The following TGS1 variants were observed in gnomAD, a reference collection of about 807,000 sequenced individuals.
The protein encoded by TGS1 is trimethylguanosine synthase.
Under a neutral mutation model 92.2 loss-of-function variants are expected in TGS1, and 69 were observed. The observed-to-expected ratio is 0.75, with a 90% CI of 0.62 to 0.91. TGS1 has a LOEUF of 0.91. Among genes scored for constraint, TGS1 ranks in the 40% least tolerant of loss-of-function variants. The pLI, the probability that TGS1 is intolerant of heterozygous loss-of-function variation, is 0.00. For synonymous variants in TGS1, 345 were observed against 338.1 expected (o/e 1.02, Z -0.22); for missense variants, 1,062 against 1,001.2 (o/e 1.06, Z -0.82).
At position 55,824,613 on chromosome 8, in the gene TGS1, G is replaced by A. The variant is rs1180061826; in HGVS notation, c.2472G>A (p.Val824=). Residue 824 remains valine, a synonymous_variant, in exon 13 of 13, where the codon GTG becomes GTA. Transcript: ENST00000260129. ...CCTTAGCTGGGCCTGGAGGGCAAGT[G>A]GAAATAGAACAGAACTTCCTTAACA... is the stretch of plus-strand genomic sequence containing the variant. ...VASLAGPGGQ[V]EIEQNFLNNK... 1.2e-6 allele frequency: 2 copies of A among 1,614,196 alleles called. No homozygotes were observed. The highest frequency in any genetic ancestry group is 1.7e-6 in the Non-Finnish European group (2 of 1,180,040).
At chr8:55,818,613 T>C (rs1803547960) in intron 12 of TGS1, among the ~76,000 whole-genome samples, 1 of 152,224 alleles carries the variant, frequency 6.6e-6, no homozygotes, top group Non-Finnish European at 1.5e-5. Flanking sequence ...TCTTAAACCA[T>C]ATATATTGTC....
intron 4 of TGS1, among the ~76,000 whole-genome samples, chr8:55,789,917 A>G (rs1585764920): frequency 6.6e-6 from 1 of 152,198 alleles, no homozygotes; most frequent in East Asian, 1.9e-4. Flanking sequence ...AGTTCACTAC[A>G]TGTGGAAAAA....
intron 12 of TGS1, among the ~76,000 whole-genome samples, chr8:55,814,674 A>AAAATAT (rs1254531524): frequency 8.4e-4 from 103 of 123,328 alleles, no homozygotes; most frequent in African/African-American, 3.0e-3. Flanking sequence ...AAAAAAAAAA[A>AAAATAT]ATATATATAT....
At chr8:55,778,870 G>C (rs1183257907) in intron 1 of TGS1, among the ~76,000 whole-genome samples, 2 of 152,208 alleles carry the variant, frequency 1.3e-5, no homozygotes, top group Non-Finnish European at 2.9e-5. Context: ...AGCCGCCCGA[G>C]TGTCAGGTGC....
At chr8:55,782,383 T>C (rs1179258833) in intron 1 of TGS1, among the ~76,000 whole-genome samples, 1 of 152,094 alleles carries the variant, frequency 6.6e-6, no homozygotes, top group Non-Finnish European at 1.5e-5. Context: ...TTTCATCATG[T>C]TGGCCAGGCT....
At chr8:55,820,856 T>C (rs1563472680) in intron 12 of TGS1, among the ~76,000 whole-genome samples, 1 of 152,244 alleles carries the variant, frequency 6.6e-6, no homozygotes, top group Non-Finnish European at 1.5e-5. Context: ...CTGTCCTTCC[T>C]ACCCTCTCTT....
chr8:55,790,752 C>T (rs1458797013), intron 5 of TGS1, among the ~76,000 whole-genome samples: 7 of 152,178 alleles, frequency 4.6e-5, no homozygotes, highest in Admixed American at 2.6e-4. Flanking sequence ...CTTCTGGCCT[C>T]AAGCGATCCA....
intron 9 of TGS1, among the ~76,000 whole-genome samples, 187 bp downstream of exon 9, chr8:55,802,793 A>G (rs1563462391): frequency 6.6e-6 from 1 of 152,118 alleles, no homozygotes; most frequent in African/African-American, 2.4e-5. Flanking sequence ...TCTGATCAGT[A>G]CTTAACACAC....
At chr8:55,805,208 G>A (rs1812332805) in intron 10 of TGS1, among the ~76,000 whole-genome samples, 172 bp downstream of exon 10, 1 of 151,914 alleles carries the variant, frequency 6.6e-6, no homozygotes, top group Non-Finnish European at 1.5e-5. Context: ...ATTGCATACT[G>A]GTGTAAATGC....
chr8:55,779,464 C>G (rs1811495399), intron 1 of TGS1, among the ~76,000 whole-genome samples: 1 of 152,184 alleles, frequency 6.6e-6, no homozygotes, highest in Non-Finnish European at 1.5e-5. Flanking sequence ...CTGGGCCCAT[C>G]CTCCAGAAGG....
intron 12 of TGS1, among the ~76,000 whole-genome samples, chr8:55,818,289 G>A (rs553248054): frequency 1.3e-4 from 20 of 152,062 alleles, no homozygotes; most frequent in East Asian, 1.2e-3. Context: ...CTCCCACCTC[G>A]GTCTCCCGAG....
intron 1 of TGS1, among the ~76,000 whole-genome samples, chr8:55,778,305 C>G (rs1811457676): frequency 1.3e-5 from 2 of 152,096 alleles, no homozygotes; most frequent in African/African-American, 2.4e-5. Flanking sequence ...AAATGGCAGC[C>G]TTAGAATTCT....
chr8:55,781,836 G>T (rs1479260863), intron 1 of TGS1, among the ~76,000 whole-genome samples: 1 of 152,140 alleles, frequency 6.6e-6, no homozygotes, highest in Non-Finnish European at 1.5e-5. Flanking sequence ...CTTGCAATTG[G>T]CCTTCTTGTG....
rs377000614 is a variant in TGS1 at position 55,811,013 on chromosome 8, T to A, written c.2276T>A (p.Val759Asp). The A allele has an allele frequency of 1.9e-5, 31 of 1,614,064 alleles. No individual in the cohort carries two copies. Among genetic ancestry groups the A allele is most frequent in the Non-Finnish European group, 2.6e-5 (31 of 1,180,020 alleles). ...CTGGCTTCTTTTTTAAAGGCTGATG[T>A]TGTGTTCCTCAGCCCACCTTGGGGA... ...LLLASFLKAD[V>D]VFLSPPWGGP... Residue 759 changes from valine (V) to aspartate (D), a missense_variant, in exon 11 of 13, where the codon GTT (valine) becomes GAT (aspartate). Transcript: ENST00000260129.
intron 12 of TGS1, among the ~76,000 whole-genome samples, chr8:55,817,713 G>A (rs1803522786): frequency 6.6e-6 from 1 of 152,130 alleles, no homozygotes; most frequent in Admixed American, 6.6e-5. Flanking sequence ...CATTAGTCCA[G>A]GTTTAGGAAC....
chr8:55,790,941 T>G (rs2130148577), intron 5 of TGS1, among the ~76,000 whole-genome samples: 1 of 150,708 alleles, frequency 6.6e-6, no homozygotes, highest in South Asian at 2.1e-4. Flanking sequence ...GATCATAACT[T>G]TTAACTAATA....
At chr8:55,778,530 C>T (rs184833281) in intron 1 of TGS1, among the ~76,000 whole-genome samples, 1 of 152,290 alleles carries the variant, frequency 6.6e-6, no homozygotes, top group Admixed American at 6.5e-5. Flanking sequence ...TGATCATACT[C>T]ATGTGACAGT....
chr8:55,780,982 T>C (rs1811543976), intron 1 of TGS1, among the ~76,000 whole-genome samples: 1 of 152,200 alleles, frequency 6.6e-6, no homozygotes, highest in Non-Finnish European at 1.5e-5. Flanking sequence ...GGTTTATCTT[T>C]TACAGTTCAT....
intron 12 of TGS1, among the ~76,000 whole-genome samples, chr8:55,814,835 A>T (rs909686009): frequency 2.0e-4 from 20 of 101,070 alleles, no homozygotes; most frequent in African/African-American, 6.5e-4. Flanking sequence ...GAGACTGTCT[A>T]AAAAAAAAAA....
Sources: gnomAD v4.1 joint callset for allele counts (sites outside exome capture counted in the v4.1 genomes callset) on GRCh38, gnomAD v4.1.1 for gene constraint, MANE v1.5 for transcripts, NCBI Gene and HGNC (gene_info 2026-07-23, HGNC 2026-07-21) for gene names.